The following ADRM1 variants were observed in gnomAD, a reference collection of about 807,000 sequenced individuals.
ADRM1 encodes the protein proteasomal ubiquitin receptor ADRM1.
In ADRM1, 2 loss-of-function variants were observed where a neutral mutation model predicts 40.1. That is an observed-to-expected ratio of 0.05 (90% confidence interval 0.02 to 0.16). ADRM1 has a LOEUF of 0.16. Among genes scored for constraint, ADRM1 ranks in the 10% least tolerant of loss-of-function variants. The pLI, the probability that ADRM1 is intolerant of heterozygous loss-of-function variation, is 1.00. For missense variants in ADRM1, 467 were observed against 552.5 expected (o/e 0.85, Z 1.55); for synonymous variants, 287 against 240.4 (o/e 1.19, Z -1.79).
In ADRM1 at chr20:62,308,053, A is replaced by G; in HGVS notation, c.889A>G (p.Met297Val). Residue 297 changes from methionine (M) to valine (V), a missense_variant, in exon 8 of 10, where the codon ATG (methionine) becomes GTG (valine). By Grantham distance (21) the Met-to-Val change is conservative (BLOSUM62 1). Transcript: ENST00000253003. ...GGCCAGTGTGCTGACGCCGGAGATA[A>G]TGGCTCCCATCCTCGCCAACGCGGA... The part of the protein sequence containing the change: ...DLASVLTPEI[M>V]APILANADVQ... 2 of 1,611,458 alleles carry G rather than the reference A, an allele frequency of 1.2e-6. No individual in the cohort carries two copies. Among genetic ancestry groups the G allele is most frequent in the Non-Finnish European group, 1.7e-6 (2 of 1,179,444 alleles).
intron 1 of ADRM1, 114 bp from the exon 2 acceptor site, chr20:62,303,454 C>A (rs566554644): frequency 1.8e-6 from 2 of 1,104,004 alleles, no homozygotes; most frequent in South Asian, 3.0e-5. Context: ...CTGAGTCTGC[C>A]TTAGGCAGCT....
Position 62,308,771 on chromosome 20 carries a change from C to T in ADRM1, c.*10C>T, listed in dbSNP as rs370258886. On this transcript the variant is annotated 3_prime_UTR_variant, in exon 10 of 10. Coordinates refer to ENST00000253003, the MANE Select transcript of ADRM1 (RefSeq NM_007002.4). ...CATGAGCCTGGACTGAGCCACGCGCCGTCCTCCGAGGAACTGGGCGCTTGC... is the reference window on the plus strand; with the variant it reads ...CATGAGCCTGGACTGAGCCACGCGCTGTCCTCCGAGGAACTGGGCGCTTGC... The T allele has an allele frequency of 2.0e-5, 33 of 1,612,280 alleles. 1 individual carries two copies. The highest frequency in any genetic ancestry group is 3.3e-4 in the Middle Eastern group (2 of 6,046).
At chr20:62,306,523 C>G in intron 4 of ADRM1, 125 bp from the exon 5 acceptor site, 1 of 1,293,146 alleles carries the variant, frequency 7.7e-7, no homozygotes, top group Non-Finnish European at 1.1e-6. Context: ...CGCCTCACTT[C>G]AAGTGGTGCC....
chr20:62,304,171 C>T, intron 2 of ADRM1: 1 of 498,612 alleles, frequency 2.0e-6, no homozygotes, highest in East Asian at 3.6e-5. Flanking sequence ...GAGAGCAGTT[C>T]AGCGTTGACT....
At chr20:62,306,565 T>C in intron 4 of ADRM1, 83 bp from the exon 5 acceptor site, 1 of 1,420,892 alleles carries the variant, frequency 7.0e-7, no homozygotes, top group East Asian at 2.5e-5. Context: ...CCGAGTGCGG[T>C]GCTCAGCAGA....
At chr20:62,307,552 CGTGT>C in intron 6 of ADRM1, 40 bp from the exon 7 acceptor site, 1 of 1,600,672 alleles carries the variant, frequency 6.2e-7, no homozygotes, top group Non-Finnish European at 8.5e-7. Flanking sequence ...TAGGCCCTGC[CGTGT>C]GGGGCGTGTC....
intron 3 of ADRM1, 147 bp downstream of exon 3, chr20:62,304,724 C>T (rs751514944): frequency 9.2e-6 from 7 of 763,976 alleles, no homozygotes; most frequent in Middle Eastern, 2.7e-4. Context: ...CTCAGGGCTG[C>T]GGTGCATGCT....
chr20:62,303,519 C>T (rs768452921), intron 1 of ADRM1, 49 bp from the exon 2 acceptor site: 2 of 1,526,438 alleles, frequency 1.3e-6, no homozygotes, highest in Admixed American at 4.0e-5. Context: ...CTTGCCGGAC[C>T]GCAGGCGACA....
At chr20:62,303,236 C>G in intron 1 of ADRM1, 187 bp downstream of exon 1, 1 of 190,684 alleles carries the variant, frequency 5.2e-6, no homozygotes. Context: ...GCCTGCGGCT[C>G]TGAACGTGGG....
At position 62,307,617 on chromosome 20, in the gene ADRM1, G is replaced by A. The variant is rs140870633; in HGVS notation, c.645G>A (p.Ala215=). 4.3e-5 allele frequency: 69 copies of A among 1,611,466 alleles called. No homozygotes were observed. In the Admixed American group the frequency reaches 7.3e-4, roughly 17 times the overall value. The stretch of plus-strand genomic sequence containing the variant: ...GCAGCTCCCGGAGCCAGTCGGCAGC[G>A]GTCACCCCGTCATCCACCACCTCTT... The part of the protein sequence containing the change: ...SSSSSRSQSA[A]VTPSSTTSST... Residue 215 remains alanine (A), a synonymous_variant, in exon 7 of 10, where the codon GCG becomes GCA. Coordinates refer to ENST00000253003, the MANE Select transcript of ADRM1 (RefSeq NM_007002.4).
Position 62,308,195 on chromosome 20 carries a change from G to A in ADRM1, c.1014+17G>A. The A allele has an allele frequency of 1.9e-6, 3 of 1,594,988 alleles. No individual in the cohort carries two copies. The highest frequency in any genetic ancestry group is 1.7e-6 in the Non-Finnish European group (2 of 1,174,670). ...TTCCAGCAGGTAGAGGCCGGGCCCA[G>A]GGTGTCCTCCACTGTGTGCTCAGGG... On this transcript the variant is annotated intron_variant, in intron 8 of 9. Transcript: ENST00000253003.
intron 3 of ADRM1, 116 bp downstream of exon 3, chr20:62,304,693 C>A: frequency 9.9e-7 from 1 of 1,013,130 alleles, no homozygotes; most frequent in South Asian, 1.3e-5. Flanking sequence ...CCACACCCGG[C>A]CACACGGCCT....
chr20:62,306,750 C>A lies in ADRM1; in HGVS notation c.541+16C>A. 1 of 1,583,648 alleles carries A rather than the reference C, an allele frequency of 6.3e-7. No homozygotes were observed. Among genetic ancestry groups the A allele is most frequent in the Non-Finnish European group, 8.6e-7 (1 of 1,163,412 alleles). ...GGAGGACTGGGTAACGTGCGCCACC[C>A]GGGCTCTCGGGCAGCTTCTGCTGGG... is the stretch of plus-strand genomic sequence containing the variant. On this transcript the variant is annotated intron_variant, in intron 5 of 9. Transcript: ENST00000253003.
At chr20:62,307,350 G>A (rs780210308) in intron 5 of ADRM1, 21 bp from the exon 6 acceptor site, 17 of 1,594,322 alleles carry the variant, frequency 1.1e-5, no homozygotes, top group Middle Eastern at 2.0e-4. Context: ...TCCTGAGCTC[G>A]CATTTCCTTG....
In ADRM1 at chr20:62,303,684, C is replaced by T. The variant is rs1437796350; in HGVS notation, c.116C>T (p.Thr39Ile). The change falls in exon 2 of 10, where the codon ACT (threonine) becomes ATT (isoleucine). Residue 39 changes from threonine (T) to isoleucine (I), a missense_variant. Around this residue, in one of 3 missense-constraint regions of ADRM1, gnomAD observed 16 missense variants for 49.1 expected, o/e 0.33. Coordinates refer to ENST00000253003, the MANE Select transcript of ADRM1 (RefSeq NM_007002.4). Reference protein sequence around the residue: ...GKMSLKGTTVTPDKRKGLVYI... With the variant: ...GKMSLKGTTVIPDKRKGLVYI... The stretch of plus-strand genomic sequence containing the variant: ...ATGTCCCTGAAGGGGACCACCGTGA[C>T]TCCGGATAAGCGGAAAGGGCTGGTG... The T allele has an allele frequency of 1.2e-6, 2 of 1,612,522 alleles. No individual in the cohort carries two copies. Among genetic ancestry groups the T allele is most frequent in the East Asian group, 2.2e-5 (1 of 44,886 alleles).
At chr20:62,304,385 G>GCTCA in intron 2 of ADRM1, 76 bp from the exon 3 acceptor site, 1 of 1,289,932 alleles carries the variant, frequency 7.8e-7, no homozygotes, top group South Asian at 1.2e-5. Context: ...TAGACCCAGG[G>GCTCA]CTCAGTACGC....
At position 62,303,548 on chromosome 20, in the gene ADRM1, C is replaced by T; in HGVS notation, c.-1-20C>T. ...GGCGACAGTGACCGCCGCGTCTCAG[C>T]GTCCTCTCCGCGCTTTCAGGATGAC... On this transcript the variant is annotated intron_variant, in intron 1 of 9. Transcript: ENST00000253003. The T allele has an allele frequency of 6.4e-7, 1 of 1,554,490 alleles. No individual in the cohort carries two copies.
At chr20:62,304,871 C>T (rs1984667517) in intron 3 of ADRM1, among the ~76,000 whole-genome samples, 3 of 152,238 alleles carry the variant, frequency 2.0e-5, no homozygotes, top group South Asian at 4.1e-4. Flanking sequence ...CTCTCTGCCC[C>T]TTGCCGTGGG....
rs1984327782 is a variant in ADRM1 at position 62,303,027 on chromosome 20, G to C, written c.-24G>C. ...AGAGCGAGCCCGGACGGCGCCTCTC[G>C]AACGAGTGTGGGCGCGAGGCAGGTG... On this transcript the variant is annotated 5_prime_UTR_variant, in exon 1 of 10. Transcript: ENST00000253003. 6.6e-6 allele frequency: 1 copy of C among 152,070 alleles called. No individual in the cohort carries two copies. The highest frequency in any genetic ancestry group is 2.4e-5 in the African/African-American group (1 of 41,412). 9.4% of individuals were successfully genotyped at this position (152,070 alleles called of 1,614,324 possible).
Sources: gnomAD v4.1 joint callset for allele counts (sites outside exome capture counted in the v4.1 genomes callset) on GRCh38, gnomAD v4.1.1 for gene constraint, gnomAD v4.1.1 regional missense constraint, MANE v1.5 for transcripts, NCBI Gene and HGNC (gene_info 2026-07-23, HGNC 2026-07-21) for gene names.